SPIDR: variants seen among roughly 807,000 people sequenced by gnomAD.
The protein encoded by SPIDR is DNA repair-scaffolding protein.
In SPIDR, 93 loss-of-function variants were observed where a neutral mutation model predicts 104.6. The observed-to-expected ratio is 0.89, with a 90% CI of 0.75 to 1.06. The LOEUF is 1.06. SPIDR is among the 50% of genes least tolerant of loss of function. The probability of loss-of-function intolerance (pLI) is 0.00; values close to 1 mark genes in which losing one functional copy is unlikely to be tolerated. For missense variants in SPIDR, 1,154 were observed against 1,111.2 expected (o/e 1.04, Z -0.55); for synonymous variants, 431 against 416.9 (o/e 1.03, Z -0.41).
intron 10 of SPIDR, among the ~76,000 whole-genome samples, chr8:47,627,395 A>G (rs2066346215): frequency 6.6e-6 from 1 of 152,182 alleles, no homozygotes; most frequent in East Asian, 1.9e-4. Context: ...TAATAATAAT[A>G]AAAATTTAAA....
At chr8:47,572,354 C>CA (rs1009232611) in intron 8 of SPIDR, among the ~76,000 whole-genome samples, 25 of 151,886 alleles carry the variant, frequency 1.6e-4, no homozygotes, top group African/African-American at 6.0e-4. Context: ...ATAAACTGGT[C>CA]AAAAAAAGGT....
chr8:47,461,118 T>C (rs2073862674), intron 8 of SPIDR, among the ~76,000 whole-genome samples: 1 of 152,234 alleles, frequency 6.6e-6, no homozygotes, highest in Non-Finnish European at 1.5e-5. Context: ...GATAACCTGA[T>C]GACAGTATGC....
chr8:47,273,600 A>AT (rs112128592), intron 1 of SPIDR, among the ~76,000 whole-genome samples: 4,317 of 142,628 alleles, frequency 0.03, 206 homozygotes, highest in African/African-American at 0.1. Context: ...TTAATTGTTC[A>AT]TTTTTTTTTT....
chr8:47,379,425 TC>T (rs35693794), intron 5 of SPIDR, among the ~76,000 whole-genome samples: 1 of 152,006 alleles, frequency 6.6e-6, no homozygotes, highest in African/African-American at 2.4e-5. Context: ...CACCTGCAGT[TC>T]CAGCTACTCG....
intron 5 of SPIDR, among the ~76,000 whole-genome samples, chr8:47,304,813 T>TA (rs2042846308): frequency 6.6e-6 from 1 of 152,242 alleles, no homozygotes; most frequent in African/African-American, 2.4e-5. Context: ...TGGTATATAT[T>TA]AAAAGAACCT....
chr8:47,538,537 C>G (rs1388160109), intron 8 of SPIDR, among the ~76,000 whole-genome samples: 1 of 151,926 alleles, frequency 6.6e-6, no homozygotes, highest in Non-Finnish European at 1.5e-5. Context: ...GAGTGAGACT[C>G]TGCCTCAAAA....
intron 7 of SPIDR, among the ~76,000 whole-genome samples, chr8:47,436,709 G>C (rs1585684060): frequency 6.6e-6 from 1 of 152,206 alleles, no homozygotes; most frequent in Non-Finnish European, 1.5e-5. Flanking sequence ...CTGGGCGACA[G>C]AGCAAGACCC....
chr8:47,517,027 C>G (rs1468490705), intron 8 of SPIDR, among the ~76,000 whole-genome samples: 1 of 152,118 alleles, frequency 6.6e-6, no homozygotes, highest in Non-Finnish European at 1.5e-5. Context: ...ACTTGTCGCC[C>G]AGGCTGGAGT....
At chr8:47,553,889 A>G (rs1276992760) in intron 8 of SPIDR, among the ~76,000 whole-genome samples, 1 of 152,064 alleles carries the variant, frequency 6.6e-6, no homozygotes, top group Non-Finnish European at 1.5e-5. Context: ...GGTTTTAACT[A>G]CTTTGGTCTT....
intron 8 of SPIDR, among the ~76,000 whole-genome samples, chr8:47,503,572 G>A (rs2080934138): frequency 6.6e-6 from 1 of 152,058 alleles, no homozygotes; most frequent in Non-Finnish European, 1.5e-5. Flanking sequence ...CACACTGATG[G>A]GTCTCGACTC....
intron 5 of SPIDR, among the ~76,000 whole-genome samples, chr8:47,339,930 C>T (rs969283084): frequency 2.6e-5 from 4 of 152,004 alleles, no homozygotes; most frequent in Non-Finnish European, 2.9e-5. Flanking sequence ...CCACCTGCCT[C>T]GGCCTCCCAA....
intron 10 of SPIDR, among the ~76,000 whole-genome samples, chr8:47,637,654 A>C (rs1243350670): frequency 2.0e-5 from 3 of 152,220 alleles, no homozygotes; most frequent in African/African-American, 7.2e-5. Context: ...ACGTGTTCTT[A>C]GGAGGAAAAC....
At chr8:47,489,353 G>A (rs2078268549) in intron 8 of SPIDR, among the ~76,000 whole-genome samples, 1 of 152,112 alleles carries the variant, frequency 6.6e-6, no homozygotes, top group African/African-American at 2.4e-5. Context: ...AAATAAAAGA[G>A]GACACAAACA....
At chr8:47,297,846 C>G (rs1311161753) in intron 5 of SPIDR, among the ~76,000 whole-genome samples, 1 of 152,176 alleles carries the variant, frequency 6.6e-6, no homozygotes, top group African/African-American at 2.4e-5. Flanking sequence ...TTTTCTTAAT[C>G]CAGTCTATCA....
intron 10 of SPIDR, among the ~76,000 whole-genome samples, chr8:47,615,933 G>C (rs1356406811): frequency 6.6e-6 from 1 of 151,612 alleles, no homozygotes; most frequent in African/African-American, 2.4e-5. Flanking sequence ...TTATTATTTT[G>C]ATGTTATTAT....
intron 8 of SPIDR, among the ~76,000 whole-genome samples, chr8:47,578,321 A>C (rs2154410006): frequency 6.6e-6 from 1 of 152,108 alleles, no homozygotes; most frequent in South Asian, 2.1e-4. Flanking sequence ...AAATACAAAA[A>C]ATTAGCCGGG....
intron 7 of SPIDR, among the ~76,000 whole-genome samples, chr8:47,409,325 C>A (rs2063189116): frequency 6.6e-6 from 1 of 151,962 alleles, no homozygotes; most frequent in Non-Finnish European, 1.5e-5. Flanking sequence ...GTTTATTCCT[C>A]CAAGGTCTAA....
chr8:47,687,128 G>A (rs1217110625), intron 11 of SPIDR, among the ~76,000 whole-genome samples: 2 of 152,042 alleles, frequency 1.3e-5, no homozygotes, highest in African/African-American at 2.4e-5. Flanking sequence ...ACAACGGAGT[G>A]GGTTGTGATG....
chr8:47,640,224 T>G (rs2068649429), intron 10 of SPIDR, among the ~76,000 whole-genome samples: 1 of 152,172 alleles, frequency 6.6e-6, no homozygotes, highest in Non-Finnish European at 1.5e-5. Flanking sequence ...GTTAATGTTA[T>G]GCCTGCTGGC....
Sources: allele counts gnomAD v4.1 joint callset (sites outside exome capture counted in the v4.1 genomes callset), GRCh38; gene constraint gnomAD v4.1.1; transcripts MANE v1.5; gene names NCBI Gene and HGNC (gene_info 2026-07-23, HGNC 2026-07-21).